Variants in FGF12 observed in about 807,000 individuals in gnomAD.
The protein encoded by FGF12 is fibroblast growth factor 12, also known as fibroblast growth factor 12B.
A neutral mutation model predicts 23.6 loss-of-function variants in FGF12; 14 were observed. The ratio of observed to expected loss-of-function variants is 0.59; its 90% CI spans 0.39 to 0.93. FGF12 has a LOEUF of 0.93. Ranked by LOEUF, FGF12 falls within the 40% of genes least tolerant of loss-of-function variation. The probability of loss-of-function intolerance (pLI) is 0.00; values close to 1 mark genes in which losing one functional copy is unlikely to be tolerated. For missense variants in FGF12, 175 were observed against 217.8 expected, an observed-to-expected ratio of 0.80 and a Z score of 1.24; for synonymous variants, 62 against 77.3, an observed-to-expected ratio of 0.80 and a Z score of 1.04.
intron 4 of FGF12, among the ~76,000 whole-genome samples, chr3:192,215,757 T>C (rs1718163326): frequency 6.6e-6 from 1 of 152,208 alleles, no homozygotes; most frequent in South Asian, 2.1e-4. Flanking sequence ...ATTCTGCCAA[T>C]CTTTTACTGG....
chr3:192,295,393 C>G (rs1435852346), intron 4 of FGF12, among the ~76,000 whole-genome samples: 1 of 152,180 alleles, frequency 6.6e-6, no homozygotes, highest in Non-Finnish European at 1.5e-5. Flanking sequence ...CTCCTTATGC[C>G]TCACCTAACT....
chr3:192,500,746 AG>A (rs1724110003), intron 2 of FGF12, among the ~76,000 whole-genome samples: 1 of 152,248 alleles, frequency 6.6e-6, no homozygotes, highest in Admixed American at 6.5e-5. Flanking sequence ...GTGCTTAATA[AG>A]TGCCAGGCAC....
At chr3:192,201,510 C>T (rs986513684) in intron 4 of FGF12, among the ~76,000 whole-genome samples, 5 of 152,180 alleles carry the variant, frequency 3.3e-5, no homozygotes, top group African/African-American at 4.8e-5. Flanking sequence ...CATCTCCATG[C>T]AGTAAGCCCA....
intron 2 of FGF12, among the ~76,000 whole-genome samples, chr3:192,689,053 T>C (rs1717858399): frequency 6.6e-6 from 1 of 152,014 alleles, no homozygotes; most frequent in Non-Finnish European, 1.5e-5. Flanking sequence ...ATGTAGAGAG[T>C]ACAATGATAG....
In FGF12 at chr3:192,449,878, A is replaced by G. The variant is rs114241257; in HGVS notation, c.14-89340T>C. ...TTAGAGGGCTCCTCCTTGACACTGT[A>G]TCTCAGCCTTATGACAGCAGCTGAT... On this transcript the variant is annotated intron_variant, in intron 2 of 5. Transcript: ENST00000445105. Among the ~76,000 whole-genome samples, 1,348 of 152,324 alleles carry G rather than the reference A, an allele frequency of 8.8e-3. 18 individuals are homozygous for G. Among genetic ancestry groups the G allele is most frequent in the African/African-American group, 0.03 (1,237 of 41,582 alleles).
chr3:192,328,530 A>C (rs1484245154), intron 4 of FGF12, among the ~76,000 whole-genome samples: 1 of 152,186 alleles, frequency 6.6e-6, no homozygotes, highest in Admixed American at 6.5e-5. Flanking sequence ...ACTTCTACTG[A>C]ATCCTGCTTT....
At chr3:192,378,048 T>TC (rs1560091712) in intron 2 of FGF12, among the ~76,000 whole-genome samples, 18 of 101,288 alleles carry the variant, frequency 1.8e-4, no homozygotes, top group East Asian at 1.1e-3. Flanking sequence ...CTTTCTTTCT[T>TC]TCTTTCTTTC....
chr3:192,568,266 G>C (rs901412515), intron 2 of FGF12, among the ~76,000 whole-genome samples: 13 of 152,230 alleles, frequency 8.5e-5, no homozygotes, highest in Non-Finnish European at 1.6e-4. Context: ...CAGTTACCAG[G>C]GTTTAAGACA....
At chr3:192,563,296 T>G (rs1010025883) in intron 2 of FGF12, among the ~76,000 whole-genome samples, 1 of 152,194 alleles carries the variant, frequency 6.6e-6, no homozygotes, top group Non-Finnish European at 1.5e-5. Context: ...CAATCCAATC[T>G]TTAATATCTC....
At chr3:192,375,224 A>C (rs1173263945) in intron 2 of FGF12, among the ~76,000 whole-genome samples, 1 of 152,160 alleles carries the variant, frequency 6.6e-6, no homozygotes, top group African/African-American at 2.4e-5. Context: ...TTTTGCTTTA[A>C]CTTTAATTTT....
intron 2 of FGF12, among the ~76,000 whole-genome samples, chr3:192,610,435 G>T (rs1194530706): frequency 6.6e-6 from 1 of 151,988 alleles, no homozygotes; most frequent in African/African-American, 2.4e-5. Flanking sequence ...TGTTATATTG[G>T]TCCACAGATC....
chr3:192,668,118 G>A (rs1045282625), intron 2 of FGF12, among the ~76,000 whole-genome samples: 2 of 151,934 alleles, frequency 1.3e-5, no homozygotes, highest in Non-Finnish European at 2.9e-5. Context: ...ATGGATAAAT[G>A]GGTAGAAATG....
chr3:192,392,645 A>AGGGG (rs1720357750), intron 2 of FGF12, among the ~76,000 whole-genome samples: 1 of 73,710 alleles, frequency 1.4e-5, no homozygotes, highest in Admixed American at 1.9e-4. Flanking sequence ...GAAGGGAGGG[A>AGGGG]GGGAGGGAGG....
At chr3:192,179,387 T>C (rs185383550) in intron 4 of FGF12, among the ~76,000 whole-genome samples, 50 of 152,286 alleles carry the variant, frequency 3.3e-4, no homozygotes, top group Admixed American at 1.2e-3. Context: ...CATAAAATAA[T>C]GCAACCTGTG....
intron 4 of FGF12, among the ~76,000 whole-genome samples, chr3:192,335,112 T>G (rs1717327922): frequency 6.6e-6 from 1 of 152,140 alleles, no homozygotes; most frequent in African/African-American, 2.4e-5. Flanking sequence ...AAGGAGAGTA[T>G]CCTGCAGAAA....
intron 2 of FGF12, among the ~76,000 whole-genome samples, chr3:192,466,126 G>A (rs962054144): frequency 8.5e-5 from 13 of 152,088 alleles, no homozygotes; most frequent in African/African-American, 3.1e-4. Flanking sequence ...CAACCTGTAC[G>A]GCATGCTACT....
chr3:192,557,076 A>G (rs1711812595), intron 2 of FGF12, among the ~76,000 whole-genome samples: 2 of 151,994 alleles, frequency 1.3e-5, no homozygotes, highest in Non-Finnish European at 2.9e-5. Flanking sequence ...AGGGAGTTTT[A>G]TGTCAGTAAA....
At chr3:192,709,791 C>T (rs1029760663) in intron 2 of FGF12, among the ~76,000 whole-genome samples, 1 of 152,158 alleles carries the variant, frequency 6.6e-6, no homozygotes, top group Non-Finnish European at 1.5e-5. Flanking sequence ...CACTTCCACC[C>T]CCTAGAGCCT....
intron 2 of FGF12, among the ~76,000 whole-genome samples, chr3:192,616,030 T>A (rs1714742902): frequency 1.3e-5 from 2 of 151,976 alleles, no homozygotes; most frequent in South Asian, 4.1e-4. Context: ...ATTAGTTTTA[T>A]GCTTACAAAA....
Sources: gnomAD v4.1 joint callset for allele counts (sites outside exome capture counted in the v4.1 genomes callset) on GRCh38, gnomAD v4.1.1 for gene constraint, MANE v1.5 for transcripts, NCBI Gene and HGNC (gene_info 2026-07-23, HGNC 2026-07-21) for gene names.